The following DOCK4 variants were observed in gnomAD, a reference collection of about 807,000 sequenced individuals.
The protein encoded by DOCK4 is dedicator of cytokinesis protein 4.
In DOCK4, 97 loss-of-function variants were observed where a neutral mutation model predicts 268.1. The ratio of observed to expected loss-of-function variants is 0.36; its 90% CI spans 0.31 to 0.43. The LOEUF (loss-of-function observed/expected upper bound fraction) is 0.43. Among genes scored for constraint, DOCK4 ranks in the 20% least tolerant of loss-of-function variants. The pLI, the probability that DOCK4 is intolerant of heterozygous loss-of-function variation, is 1.00. For missense variants in DOCK4, 2,145 were observed against 2,455.7 expected, an observed-to-expected ratio of 0.87 and a Z score of 2.67; for synonymous variants, 954 against 887.2, an observed-to-expected ratio of 1.08 and a Z score of -1.34.
At chr7:111,864,462 T>C (rs1318748010) in intron 22 of DOCK4, among the ~76,000 whole-genome samples, 1 of 152,182 alleles carries the variant, frequency 6.6e-6, no homozygotes, top group Non-Finnish European at 1.5e-5. Context: ...CATGCTAAAA[T>C]TCAAGTGCTA....
At chr7:111,748,405 T>C (rs528759519) in intron 42 of DOCK4, among the ~76,000 whole-genome samples, 5 of 152,216 alleles carry the variant, frequency 3.3e-5, no homozygotes, top group South Asian at 2.1e-4. Context: ...ATAAGGATTC[T>C]TAAAAACCAG....
At chr7:112,183,183 A>G (rs555335849) in intron 1 of DOCK4, among the ~76,000 whole-genome samples, 1 of 152,274 alleles carries the variant, frequency 6.6e-6, no homozygotes, top group South Asian at 2.1e-4. Flanking sequence ...AAATTTACCA[A>G]CCAATTGCCA....
chr7:112,089,415 C>A (rs1809416929), intron 1 of DOCK4, among the ~76,000 whole-genome samples: 1 of 152,164 alleles, frequency 6.6e-6, no homozygotes, highest in South Asian at 2.1e-4. Flanking sequence ...CAACAAATCA[C>A]CCATCCATTA....
intron 1 of DOCK4, among the ~76,000 whole-genome samples, chr7:112,033,354 C>A (rs958763669): frequency 2.0e-5 from 3 of 152,112 alleles, no homozygotes; most frequent in African/African-American, 7.2e-5. Flanking sequence ...TTTTTGAATA[C>A]TCCCAACCCC....
chr7:112,000,310 A>G (rs1281731974), intron 3 of DOCK4, among the ~76,000 whole-genome samples, 184 bp downstream of exon 3: 1 of 152,160 alleles, frequency 6.6e-6, no homozygotes, highest in Non-Finnish European at 1.5e-5. Flanking sequence ...TAGGATTATC[A>G]TTTGAGTAGC....
At chr7:111,833,219 CT>C (rs1262753482) in intron 26 of DOCK4, among the ~76,000 whole-genome samples, 2 of 152,008 alleles carry the variant, frequency 1.3e-5, no homozygotes, top group African/African-American at 4.8e-5. Flanking sequence ...GTCCTAAGGC[CT>C]TTTATCCATT....
At chr7:111,945,432 C>T (rs375433721) in intron 9 of DOCK4, among the ~76,000 whole-genome samples, 8 of 152,228 alleles carry the variant, frequency 5.3e-5, no homozygotes, top group South Asian at 2.1e-4. Context: ...GTGATCCACC[C>T]GCCTCGGCCT....
chr7:111,929,946 C>A (rs761219242), intron 12 of DOCK4, among the ~76,000 whole-genome samples: 10 of 152,160 alleles, frequency 6.6e-5, no homozygotes, highest in Non-Finnish European at 1.0e-4. Context: ...TTTTTACACA[C>A]CGTTTCAAGA....
At chr7:112,040,874 A>G (rs1303867493) in intron 1 of DOCK4, among the ~76,000 whole-genome samples, 1 of 152,228 alleles carries the variant, frequency 6.6e-6, no homozygotes, top group African/African-American at 2.4e-5. Flanking sequence ...ATGTTTATGA[A>G]CATGCATTTA....
intron 1 of DOCK4, among the ~76,000 whole-genome samples, chr7:112,011,663 G>T (rs1468451247): frequency 6.8e-6 from 1 of 147,912 alleles, no homozygotes; most frequent in Non-Finnish European, 1.5e-5. Flanking sequence ...TCTCCAAAGG[G>T]TCATAAACAG....
chr7:111,829,041 G>T (rs931110033), intron 26 of DOCK4, among the ~76,000 whole-genome samples: 3 of 151,828 alleles, frequency 2.0e-5, no homozygotes, highest in South Asian at 2.1e-4. Context: ...AAACAGTAGG[G>T]TTATGTGGAA....
rs186117711 is a variant in DOCK4, at chr7:112,060,280, C to T, written c.38-56149G>A. On this transcript the variant is annotated intron_variant, in intron 1 of 52. Coordinates refer to ENST00000428084, the MANE Select transcript of DOCK4 (RefSeq NM_001363540.2). ...ACTACAATGAGACTCCACCTCATACCCATTAGAATGGCTTCTATCAAAAAA... is the reference window on the plus strand; with the variant it reads ...ACTACAATGAGACTCCACCTCATACTCATTAGAATGGCTTCTATCAAAAAA... 1.5e-3 allele frequency among the ~76,000 whole-genome samples: 224 copies of T among 152,178 alleles called. 2 individuals carry two copies. Among genetic ancestry groups the T allele is most frequent in the African/African-American group, 5.2e-3 (216 of 41,494 alleles).
At chr7:111,832,827 G>T (rs1366695688) in intron 26 of DOCK4, among the ~76,000 whole-genome samples, 1 of 152,204 alleles carries the variant, frequency 6.6e-6, no homozygotes, top group Non-Finnish European at 1.5e-5. Flanking sequence ...GCCAGCCTCA[G>T]TAATTTTAAA....
intron 1 of DOCK4, among the ~76,000 whole-genome samples, chr7:112,084,712 C>T (rs1265512043): frequency 6.6e-6 from 1 of 152,030 alleles, no homozygotes; most frequent in Non-Finnish European, 1.5e-5. Context: ...CTTAGAAAAT[C>T]TCCCTTCATG....
intron 1 of DOCK4, among the ~76,000 whole-genome samples, chr7:112,097,963 T>C (rs1444343163): frequency 1.3e-5 from 2 of 152,192 alleles, no homozygotes; most frequent in Non-Finnish European, 2.9e-5. Context: ...TATATACAAA[T>C]AGTACAGTCT....
intron 50 of DOCK4, among the ~76,000 whole-genome samples, chr7:111,735,690 G>C (rs1231170892): frequency 6.6e-6 from 1 of 152,168 alleles, no homozygotes; most frequent in Non-Finnish European, 1.5e-5. Context: ...TTTGGAATAT[G>C]GACAGTGTCA....
intron 1 of DOCK4, among the ~76,000 whole-genome samples, chr7:112,116,383 A>G (rs961484174): frequency 2.6e-5 from 4 of 152,232 alleles, no homozygotes; most frequent in Non-Finnish European, 4.4e-5. Context: ...TATTGTATAG[A>G]AACACTTTGT....
At chr7:111,881,525 A>G (rs1807387599) in intron 16 of DOCK4, among the ~76,000 whole-genome samples, 1 of 152,198 alleles carries the variant, frequency 6.6e-6, no homozygotes, top group South Asian at 2.1e-4. Context: ...AGGTTCCTCA[A>G]ACAACTATAA....
intron 1 of DOCK4, among the ~76,000 whole-genome samples, chr7:112,193,133 A>T (rs1229834229): frequency 1.3e-5 from 2 of 152,182 alleles, no homozygotes; most frequent in Non-Finnish European, 2.9e-5. Context: ...AGGTTTTTAT[A>T]AAAAACTGTA....
Sources: allele counts gnomAD v4.1 joint callset (sites outside exome capture counted in the v4.1 genomes callset), GRCh38; gene constraint gnomAD v4.1.1; transcripts MANE v1.5; gene names NCBI Gene and HGNC (gene_info 2026-07-23, HGNC 2026-07-21).